The following TASP1 variants were observed in gnomAD, a reference collection of about 807,000 sequenced individuals.
TASP1 encodes the protein taspase 1.
In TASP1, 16 loss-of-function variants were observed where a neutral mutation model predicts 56.6. That is an observed-to-expected ratio of 0.28 (90% CI 0.19 to 0.43). The LOEUF (loss-of-function observed/expected upper bound fraction) is 0.43. Among genes scored for constraint, TASP1 ranks in the 20% least tolerant of loss-of-function variants. The probability of loss-of-function intolerance (pLI) is 1.00; values close to 1 mark genes in which losing one functional copy is unlikely to be tolerated. For missense variants in TASP1, 393 were observed against 511.6 expected, an observed-to-expected ratio of 0.77 and a Z score of 2.24; for synonymous variants, 179 against 184.2, an observed-to-expected ratio of 0.97 and a Z score of 0.23.
chr20:13,574,275 A>G (rs913053779), intron 6 of TASP1, among the ~76,000 whole-genome samples: 5 of 152,232 alleles, frequency 3.3e-5, no homozygotes, highest in African/African-American at 1.2e-4. Flanking sequence ...GCTCAAGGCC[A>G]AATGCTTTTC....
At chr20:13,398,821 G>A (rs891846924) in intron 13 of TASP1, among the ~76,000 whole-genome samples, 1 of 152,122 alleles carries the variant, frequency 6.6e-6, no homozygotes, top group Non-Finnish European at 1.5e-5. Flanking sequence ...TAACTCCATA[G>A]ATCAACCTCC....
intron 10 of TASP1, among the ~76,000 whole-genome samples, chr20:13,505,061 A>T (rs746902512): frequency 6.6e-6 from 1 of 152,158 alleles, no homozygotes; most frequent in Non-Finnish European, 1.5e-5. Context: ...ATACACATAG[A>T]TTAAAAATGA....
chr20:13,214,149 G>A, the TASP1 span, among the ~76,000 whole-genome samples: 1 of 152,006 alleles, frequency 6.6e-6, no homozygotes, highest in Non-Finnish European at 1.5e-5. Flanking sequence ...GATGTTAAAC[G>A]TCCTGAGAAT....
intron 4 of TASP1, among the ~76,000 whole-genome samples, chr20:13,592,677 T>C (rs1291542017): frequency 1.3e-5 from 2 of 152,216 alleles, no homozygotes; most frequent in East Asian, 1.9e-4. Context: ...ATTGGTTTGG[T>C]TGACTTTCTG....
chr20:13,595,196 A>G (rs1343069416), intron 4 of TASP1, among the ~76,000 whole-genome samples: 4 of 152,232 alleles, frequency 2.6e-5, no homozygotes, highest in African/African-American at 7.2e-5. Flanking sequence ...TGTCACCACC[A>G]GGCCTGCCTT....
the TASP1 span, among the ~76,000 whole-genome samples, chr20:13,116,198 C>T: frequency 6.6e-6 from 1 of 152,084 alleles, no homozygotes; most frequent in Non-Finnish European, 1.5e-5. Context: ...TTGACTGAAT[C>T]GACCTAACAC....
chr20:13,238,394 A>G, the TASP1 span, among the ~76,000 whole-genome samples: 1 of 152,248 alleles, frequency 6.6e-6, no homozygotes, highest in Non-Finnish European at 1.5e-5. Context: ...GGCAAAATTC[A>G]TAGCCCATTA....
chr20:13,590,072 C>CAA (rs2047464001), intron 4 of TASP1, among the ~76,000 whole-genome samples: 2 of 151,792 alleles, frequency 1.3e-5, no homozygotes, highest in African/African-American at 4.8e-5. Context: ...TCTCTACTAA[C>CAA]AATACAAAAA....
chr20:13,382,929 C>T, the TASP1 span, among the ~76,000 whole-genome samples: 2 of 152,042 alleles, frequency 1.3e-5, no homozygotes, highest in South Asian at 2.1e-4. Flanking sequence ...TGCTCAGGGA[C>T]GACCTTGCCA....
chr20:13,238,974 A>G, the TASP1 span: 1 of 152,380 alleles, frequency 6.6e-6, no homozygotes, highest in East Asian at 1.9e-4. Context: ...ACATTCAGGA[A>G]GACACGAACC....
chr20:13,412,155 A>T (rs1195329477), intron 13 of TASP1, among the ~76,000 whole-genome samples: 1 of 152,306 alleles, frequency 6.6e-6, no homozygotes, highest in South Asian at 2.1e-4. Context: ...TGAAGGCCTC[A>T]CAGAGAAAAA....
intron 1 of TASP1, among the ~76,000 whole-genome samples, chr20:13,635,144 G>T (rs1568678243): frequency 6.6e-6 from 1 of 152,110 alleles, no homozygotes; most frequent in Non-Finnish European, 1.5e-5. Context: ...TTGATACACT[G>T]GGTACATTTT....
At chr20:13,262,976 C>G in the TASP1 span, among the ~76,000 whole-genome samples, 6 of 152,204 alleles carry the variant, frequency 3.9e-5, no homozygotes, top group Non-Finnish European at 7.3e-5. Flanking sequence ...ACAGCAGGCT[C>G]CATTCCCAAA....
downstream of TASP1, among the ~76,000 whole-genome samples, chr20:13,388,331 T>C (rs1350269301): frequency 6.6e-6 from 1 of 152,198 alleles, no homozygotes; most frequent in Admixed American, 6.5e-5. Flanking sequence ...ATATTACCTG[T>C]TACATTTTTG....
At chr20:13,153,484 A>G in the TASP1 span, among the ~76,000 whole-genome samples, 1 of 152,184 alleles carries the variant, frequency 6.6e-6, no homozygotes, top group African/African-American at 2.4e-5. Context: ...AGCAGGACTT[A>G]TCTTTGTCTA....
the TASP1 span, among the ~76,000 whole-genome samples, chr20:13,213,152 T>G: frequency 1.9e-4 from 29 of 151,988 alleles, no homozygotes; most frequent in Admixed American, 6.6e-5. Flanking sequence ...TGAACTGAAG[T>G]TGTTGAAAGA....
intron 6 of TASP1, among the ~76,000 whole-genome samples, chr20:13,573,026 A>G (rs1419588656): frequency 6.6e-6 from 1 of 152,160 alleles, no homozygotes; most frequent in Non-Finnish European, 1.5e-5. Context: ...TTTATCTATG[A>G]CTTCTTTACT....
intron 11 of TASP1, among the ~76,000 whole-genome samples, chr20:13,456,693 A>C (rs1281308529): frequency 6.6e-6 from 1 of 152,098 alleles, no homozygotes; most frequent in Non-Finnish European, 1.5e-5. Flanking sequence ...ACGTGACATC[A>C]GTGGCATTGA....
chr20:13,361,922 C>A, the TASP1 span, among the ~76,000 whole-genome samples: 6 of 152,080 alleles, frequency 3.9e-5, no homozygotes, highest in African/African-American at 1.5e-4. Context: ...GTTCTTAGAC[C>A]TTTTACACCT....
Sources: allele counts gnomAD v4.1 joint callset (sites outside exome capture counted in the v4.1 genomes callset), GRCh38; gene constraint gnomAD v4.1.1; transcripts MANE v1.5; gene names NCBI Gene and HGNC (gene_info 2026-07-23, HGNC 2026-07-21).